The following ZNF292 variants were observed in gnomAD, a reference collection of about 807,000 sequenced individuals.
ZNF292 encodes the protein zinc finger protein 292.
In ZNF292, 26 loss-of-function variants were observed where a neutral mutation model predicts 217.9. The observed-to-expected ratio is 0.12, with a 90% CI of 0.09 to 0.17. The LOEUF is 0.17. ZNF292 is among the 10% of genes least tolerant of loss of function. The pLI, the probability that ZNF292 is intolerant of heterozygous loss-of-function variation, is 1.00. For synonymous variants in ZNF292, 1,257 were observed against 1,124.1 expected, an observed-to-expected ratio of 1.12 and a Z score of -2.37; for missense variants, 2,904 against 3,175.2, an observed-to-expected ratio of 0.91 and a Z score of 2.05.
intron 1 of ZNF292, among the ~76,000 whole-genome samples, chr6:87,182,651 A>G (rs1771504352): frequency 6.6e-6 from 1 of 152,184 alleles, no homozygotes. Context: ...TATGTGTAAA[A>G]TAGTTGGTGA....
intron 1 of ZNF292, among the ~76,000 whole-genome samples, chr6:87,163,297 A>G (rs895071836): frequency 6.6e-6 from 1 of 152,056 alleles, no homozygotes; most frequent in African/African-American, 2.4e-5. Context: ...TAAAAATACA[A>G]AAAATTAGCC....
At chr6:87,226,988 T>C (rs1023592030) in intron 4 of ZNF292, among the ~76,000 whole-genome samples, 1 of 152,094 alleles carries the variant, frequency 6.6e-6, no homozygotes, top group Non-Finnish European at 1.5e-5. Context: ...CTTTAATGGG[T>C]ATATTTTATA....
chr6:87,190,926 T>TA (rs1201689022), intron 1 of ZNF292, among the ~76,000 whole-genome samples: 1 of 152,208 alleles, frequency 6.6e-6, no homozygotes, highest in Non-Finnish European at 1.5e-5. Flanking sequence ...ATATCTTCCT[T>TA]AAATTGTTCC....
chr6:87,206,419 C>T (rs1321294509), intron 1 of ZNF292, among the ~76,000 whole-genome samples: 2 of 152,066 alleles, frequency 1.3e-5, no homozygotes, highest in Admixed American at 1.3e-4. Context: ...CGAGATTCCC[C>T]CTTCATTCAC....
At chr6:87,239,182 A>G (rs1313623440) in intron 5 of ZNF292, among the ~76,000 whole-genome samples, 2 of 152,252 alleles carry the variant, frequency 1.3e-5, no homozygotes, top group African/African-American at 4.8e-5. Flanking sequence ...CCCGTTCTCA[A>G]TGAGCTGTTG....
chr6:87,245,754 A>T (rs1302876097), intron 7 of ZNF292, 110 bp downstream of exon 7: 2 of 690,172 alleles, frequency 2.9e-6, no homozygotes, highest in South Asian at 3.2e-5. Context: ...AAATTTTTTC[A>T]GTTAGTCCTT....
intron 7 of ZNF292, among the ~76,000 whole-genome samples, chr6:87,247,071 C>G (rs1032459505): frequency 1.3e-5 from 2 of 151,822 alleles, no homozygotes; most frequent in African/African-American, 4.8e-5. Context: ...ACAGGAATCG[C>G]TTGAGCCCAG....
chr6:87,163,180 G>A (rs572619156), intron 1 of ZNF292, among the ~76,000 whole-genome samples: 1 of 152,254 alleles, frequency 6.6e-6, no homozygotes, highest in East Asian at 1.9e-4. Context: ...GGCTGGGCGC[G>A]GTGGCTCACG....
At chr6:87,243,395 T>C in intron 5 of ZNF292, 80 bp from the exon 6 acceptor site, 2 of 1,180,918 alleles carry the variant, frequency 1.7e-6, no homozygotes, top group Non-Finnish European at 2.2e-6. Context: ...TCTAAATATT[T>C]AATGAAAACT....
chr6:87,229,496 G>A (rs542614710), intron 4 of ZNF292, among the ~76,000 whole-genome samples: 12 of 152,104 alleles, frequency 7.9e-5, no homozygotes, highest in African/African-American at 1.9e-4. Flanking sequence ...GCGCAATCTC[G>A]GCTAACTGCA....
chr6:87,162,753 T>C (rs1245589880), intron 1 of ZNF292, among the ~76,000 whole-genome samples: 1 of 152,206 alleles, frequency 6.6e-6, no homozygotes, highest in African/African-American at 2.4e-5. Context: ...TAACATTTAC[T>C]AACCTGCCAA....
chr6:87,169,524 A>G (rs1445612556), intron 1 of ZNF292: 2 of 306,384 alleles, frequency 6.5e-6, no homozygotes, highest in Non-Finnish European at 1.3e-5. Context: ...AATTAAGTCT[A>G]GCACTAATTT....
At chr6:87,189,218 TAAAAA>T (rs1429419490) in intron 1 of ZNF292, among the ~76,000 whole-genome samples, 1 of 151,800 alleles carries the variant, frequency 6.6e-6, no homozygotes, top group Admixed American at 6.6e-5. Flanking sequence ...AATAAATAAA[TAAAAA>T]TAAATAAATA....
Position 87,264,137 on chromosome 6 carries a change from T to C in ZNF292, c.*2336T>C. On this transcript the variant is annotated 3_prime_UTR_variant, in exon 8 of 8. Coordinates refer to ENST00000369577, the MANE Select transcript of ZNF292 (RefSeq NM_015021.3). Reference sequence around the variant, plus strand: ...TTATAGAATAGCATGTTGGTAAATTTTGATACGGAATGTAATGTCTAAGTA... The same window carrying C: ...TTATAGAATAGCATGTTGGTAAATTCTGATACGGAATGTAATGTCTAAGTA... 1 of 152,192 alleles carries C rather than the reference T, an allele frequency of 6.6e-6. No individual in the cohort carries two copies. The highest frequency in any genetic ancestry group is 2.4e-5 in the African/African-American group (1 of 41,436). The allele number at this position is 152,192 out of a possible 1,614,324, so 9.4% of individuals were successfully genotyped here.
At chr6:87,196,657 G>T (rs1055240795) in intron 1 of ZNF292, among the ~76,000 whole-genome samples, 1 of 151,062 alleles carries the variant, frequency 6.6e-6, no homozygotes, top group African/African-American at 2.5e-5. Flanking sequence ...ACTAAGTGTT[G>T]AACCAGGTTG....
intron 7 of ZNF292, among the ~76,000 whole-genome samples, chr6:87,252,961 G>T (rs2127852949): frequency 6.6e-6 from 1 of 152,052 alleles, no homozygotes; most frequent in East Asian, 1.9e-4. Flanking sequence ...AGGCTGGAGT[G>T]CAGTGTGCAA....
chr6:87,229,448 G>A (rs370970169), intron 4 of ZNF292, among the ~76,000 whole-genome samples: 2 of 151,276 alleles, frequency 1.3e-5, no homozygotes, highest in African/African-American at 4.9e-5. Context: ...TTTTTGAGAC[G>A]GAGTTTTTGC....
intron 1 of ZNF292, among the ~76,000 whole-genome samples, chr6:87,164,052 A>T (rs118053780): frequency 6.6e-6 from 1 of 152,206 alleles, no homozygotes. Context: ...CCCGCCAAGT[A>T]TCGTGTATCA....
At chr6:87,209,624 CCTG>C (rs1562141595) in intron 1 of ZNF292, among the ~76,000 whole-genome samples, 1 of 152,100 alleles carries the variant, frequency 6.6e-6, no homozygotes, top group East Asian at 1.9e-4. Context: ...ATAGGAGAAA[CCTG>C]CTCTTTTCTC....
Sources: gnomAD v4.1 joint callset for allele counts (sites outside exome capture counted in the v4.1 genomes callset) on GRCh38, gnomAD v4.1.1 for gene constraint, MANE v1.5 for transcripts, NCBI Gene and HGNC (gene_info 2026-07-23, HGNC 2026-07-21) for gene names.